ELMO1: variants seen among roughly 807,000 people sequenced by gnomAD.
ELMO1 encodes the protein engulfment and cell motility 1.
Under a neutral mutation model 98.9 loss-of-function variants are expected in ELMO1, and 26 were observed. That is an observed-to-expected ratio of 0.26 (90% CI 0.19 to 0.36). The LOEUF (loss-of-function observed/expected upper bound fraction) is 0.36, where lower values mean the gene tolerates loss of function less well. ELMO1 is among the 10% of genes least tolerant of loss of function. The pLI, the probability that ELMO1 is intolerant of heterozygous loss-of-function variation, is 1.00. For synonymous variants in ELMO1, 346 were observed against 346.0 expected, an observed-to-expected ratio of 1.00 and a Z score of 0.00; for missense variants, 627 against 935.2, an observed-to-expected ratio of 0.67 and a Z score of 4.30.
intron 7 of ELMO1, among the ~76,000 whole-genome samples, chr7:37,242,287 T>C (rs771736512): frequency 1.3e-5 from 2 of 152,216 alleles, no homozygotes; most frequent in Non-Finnish European, 2.9e-5. Flanking sequence ...ATTTTATAAC[T>C]GACATCTGGT....
intron 2 of ELMO1, among the ~76,000 whole-genome samples, chr7:37,323,301 T>C (rs1175171081): frequency 6.6e-6 from 1 of 152,236 alleles, no homozygotes; most frequent in Non-Finnish European, 1.5e-5. Flanking sequence ...CTTAACTCTT[T>C]TTCTCTAAAA....
intron 14 of ELMO1, among the ~76,000 whole-genome samples, chr7:37,118,944 A>G (rs1030531026): frequency 6.6e-6 from 1 of 152,234 alleles, no homozygotes; most frequent in Non-Finnish European, 1.5e-5. Flanking sequence ...TCAAAAGCAC[A>G]CAGTATGGAC....
At chr7:37,428,004 T>C (rs1309546122) in intron 1 of ELMO1, among the ~76,000 whole-genome samples, 1 of 149,366 alleles carries the variant, frequency 6.7e-6, no homozygotes, top group African/African-American at 2.5e-5. Context: ...TTTATCTTTT[T>C]ATCTACATGA....
chr7:37,388,206 G>C (rs1368993278), intron 1 of ELMO1, among the ~76,000 whole-genome samples: 1 of 152,106 alleles, frequency 6.6e-6, no homozygotes, highest in South Asian at 2.1e-4. Context: ...TTATTATCCA[G>C]ACAGATGAAT....
At chr7:36,898,060 C>G (rs529142526) in intron 16 of ELMO1, among the ~76,000 whole-genome samples, 1 of 152,322 alleles carries the variant, frequency 6.6e-6, no homozygotes, top group African/African-American at 2.4e-5. Flanking sequence ...AGGAAAATAA[C>G]CTCTGTGAAA....
intron 7 of ELMO1, among the ~76,000 whole-genome samples, chr7:37,242,505 T>C (rs898942330): frequency 1.3e-5 from 2 of 152,204 alleles, no homozygotes; most frequent in Admixed American, 1.3e-4. Context: ...CTTACATACC[T>C]AGCACATTTT....
intron 14 of ELMO1, among the ~76,000 whole-genome samples, chr7:37,123,947 G>A (rs1786295273): frequency 6.6e-6 from 1 of 152,208 alleles, no homozygotes; most frequent in African/African-American, 2.4e-5. Flanking sequence ...CCATGATCAA[G>A]TGGGCTTCAT....
intron 16 of ELMO1, among the ~76,000 whole-genome samples, chr7:36,969,421 G>C (rs1789724358): frequency 6.6e-6 from 1 of 152,100 alleles, no homozygotes; most frequent in Non-Finnish European, 1.5e-5. Context: ...ATGATATGTG[G>C]TGAATTCAAT....
intron 1 of ELMO1, among the ~76,000 whole-genome samples, chr7:37,406,576 G>C (rs572831683): frequency 6.6e-6 from 1 of 151,938 alleles, no homozygotes; most frequent in Admixed American, 6.6e-5. Flanking sequence ...ACTACAGGCA[G>C]CTACCATCAC....
intron 16 of ELMO1, among the ~76,000 whole-genome samples, chr7:36,973,912 C>T (rs897006702): frequency 3.3e-5 from 5 of 152,192 alleles, no homozygotes; most frequent in Non-Finnish European, 7.3e-5. Flanking sequence ...GTACTGGGTC[C>T]CCCAGCAGTG....
At chr7:37,209,902 T>C (rs1049749246) in intron 13 of ELMO1, among the ~76,000 whole-genome samples, 3 of 152,068 alleles carry the variant, frequency 2.0e-5, no homozygotes, top group Non-Finnish European at 4.4e-5. Context: ...GGTCGAAACA[T>C]AAAATATAAT....
chr7:37,447,269 TC>T (rs756469440), intron 1 of ELMO1, among the ~76,000 whole-genome samples: 28 of 152,322 alleles, frequency 1.8e-4, no homozygotes, highest in Admixed American at 5.9e-4. Flanking sequence ...CATAGCTTCA[TC>T]CCCAAGTCAC....
chr7:36,954,392 G>A (rs975749130), intron 16 of ELMO1, among the ~76,000 whole-genome samples: 1 of 152,130 alleles, frequency 6.6e-6, no homozygotes, highest in Non-Finnish European at 1.5e-5. Flanking sequence ...GGGACAGGAG[G>A]GGAGGTTTTG....
At chr7:36,875,453 A>G (rs575158623) in intron 19 of ELMO1, among the ~76,000 whole-genome samples, 2 of 152,354 alleles carry the variant, frequency 1.3e-5, no homozygotes, top group Middle Eastern at 6.8e-3. Context: ...ATAGATCCAC[A>G]CAAGTATGCA....
chr7:37,193,770 T>C (rs1191102871), intron 13 of ELMO1, among the ~76,000 whole-genome samples: 2 of 152,156 alleles, frequency 1.3e-5, no homozygotes, highest in East Asian at 3.8e-4. Context: ...CCATCCTCTT[T>C]CCAGTTTTCT....
intron 13 of ELMO1, among the ~76,000 whole-genome samples, chr7:37,143,368 G>A (rs1223178044): frequency 6.6e-6 from 1 of 152,144 alleles, no homozygotes; most frequent in African/African-American, 2.4e-5. Flanking sequence ...CTCAATCAAC[G>A]TTATTCCCTC....
At chr7:37,265,993 T>A (rs970594437) in intron 5 of ELMO1, among the ~76,000 whole-genome samples, 1 of 152,084 alleles carries the variant, frequency 6.6e-6, no homozygotes, top group Non-Finnish European at 1.5e-5. Flanking sequence ...AACTCTCCAA[T>A]TCCCTACAAG....
chr7:37,134,051 T>A (rs1033500478), intron 13 of ELMO1, among the ~76,000 whole-genome samples: 1 of 151,964 alleles, frequency 6.6e-6, no homozygotes, highest in Non-Finnish European at 1.5e-5. Flanking sequence ...GAAATGCAAA[T>A]GAAAACTACA....
chr7:37,214,946 G>A (rs1793197091), intron 11 of ELMO1, among the ~76,000 whole-genome samples: 1 of 152,144 alleles, frequency 6.6e-6, no homozygotes, highest in Non-Finnish European at 1.5e-5. Context: ...TTCTAACCCT[G>A]ACTCCCACAT....
Sources: gnomAD v4.1 joint callset for allele counts (sites outside exome capture counted in the v4.1 genomes callset) on GRCh38, gnomAD v4.1.1 for gene constraint, MANE v1.5 for transcripts, NCBI Gene and HGNC (gene_info 2026-07-23, HGNC 2026-07-21) for gene names.